MAP3K5: variants seen among roughly 807,000 people sequenced by gnomAD.
The protein encoded by MAP3K5 is mitogen-activated protein kinase kinase kinase 5.
Under a neutral mutation model 158.7 loss-of-function variants are expected in MAP3K5, and 56 were observed. That is an observed-to-expected ratio of 0.35 (90% CI 0.28 to 0.44). MAP3K5 has a LOEUF of 0.44. MAP3K5 is among the 20% of genes least tolerant of loss of function. The probability of loss-of-function intolerance (pLI) is 1.00; values close to 1 mark genes in which losing one functional copy is unlikely to be tolerated. For missense variants in MAP3K5, 1,294 were observed against 1,674.8 expected, an observed-to-expected ratio of 0.77 and a Z score of 3.97; for synonymous variants, 579 against 601.7, an observed-to-expected ratio of 0.96 and a Z score of 0.55.
chr6:136,621,777 G>C (rs1442354337), intron 15 of MAP3K5, among the ~76,000 whole-genome samples: 3 of 152,296 alleles, frequency 2.0e-5, no homozygotes, highest in African/African-American at 7.2e-5. Flanking sequence ...AGAACAGAAT[G>C]CTTCAGCGTA....
At chr6:136,686,090 T>A (rs557180830) in intron 7 of MAP3K5, among the ~76,000 whole-genome samples, 1 of 152,282 alleles carries the variant, frequency 6.6e-6, no homozygotes, top group South Asian at 2.1e-4. Context: ...TCCCTTTTAG[T>A]GTTAAATAGG....
At position 136,656,314 on chromosome 6, in the gene MAP3K5, C is replaced by G; in HGVS notation, c.1673G>C (p.Arg558Thr). The G allele has an allele frequency of 6.2e-7, 1 of 1,613,792 alleles. No individual in the cohort carries two copies. Among genetic ancestry groups the G allele is most frequent in the Non-Finnish European group, 8.5e-7 (1 of 1,179,776 alleles). The change falls in exon 10 of 30, where the codon AGG (arginine) becomes ACG (threonine). Residue 558 changes from arginine (R) to threonine (T), a missense_variant. Physicochemically the swap from Arg to Thr is moderately conservative, Grantham distance 71 (BLOSUM62 -1). This residue lies in a region of MAP3K5 where 690 missense variants were observed against 870.5 expected (regional missense o/e 0.79). Transcript: ENST00000359015. ...TAAAGGAAGAGTACTCACTGGAAAC[C>G]TAACCACAGTAACATCTGTCTTTGT... The part of the protein sequence containing the change: ...EATKTDVTVV[R>T]FPVLILEPTK...
At chr6:136,770,128 A>G (rs531562337) in intron 1 of MAP3K5, among the ~76,000 whole-genome samples, 1 of 151,918 alleles carries the variant, frequency 6.6e-6, no homozygotes, top group Non-Finnish European at 1.5e-5. Flanking sequence ...TTTTATTTTT[A>G]TTTATTTTTA....
chr6:136,618,927 C>T (rs1226667753), intron 15 of MAP3K5, among the ~76,000 whole-genome samples: 1 of 152,162 alleles, frequency 6.6e-6, no homozygotes, highest in Non-Finnish European at 1.5e-5. Context: ...TTTGGAGAAA[C>T]AAATGGCTGG....
chr6:136,656,206 T>A (rs1022233053), intron 10 of MAP3K5, 101 bp downstream of exon 10: 1 of 1,005,610 alleles, frequency 9.9e-7, no homozygotes, highest in Non-Finnish European at 1.5e-6. Flanking sequence ...TGACTGCAGT[T>A]TTAAGGCACC....
At chr6:136,674,975 C>G (rs1183508747) in intron 7 of MAP3K5, among the ~76,000 whole-genome samples, 1 of 151,770 alleles carries the variant, frequency 6.6e-6, no homozygotes, top group Non-Finnish European at 1.5e-5. Flanking sequence ...AGTATTAGGA[C>G]ACAGGTAGGT....
At chr6:136,779,097 C>T (rs528944574) in intron 1 of MAP3K5, among the ~76,000 whole-genome samples, 3 of 151,996 alleles carry the variant, frequency 2.0e-5, no homozygotes, top group Non-Finnish European at 4.4e-5. Context: ...GCCAGGAGTT[C>T]GAGACCAGCC....
chr6:136,705,133 C>A lies in MAP3K5; in HGVS notation c.589G>T (p.Glu197Ter). The change falls in exon 3 of 30, where the codon GAA (glutamate) becomes TAA (stop). Residue 197 changes from glutamate (E) to a stop codon, truncating the protein, a stop_gained and splice_region_variant. Coordinates refer to ENST00000359015, the MANE Select transcript of MAP3K5 (RefSeq NM_005923.4). LOFTEE classifies it high-confidence loss of function. The part of the protein sequence containing the change: ...TNSDSLQSLK[E>*]IICQKNTMCT... Reference sequence around the variant, plus strand: ...ACAGTATTCTTCTGGCAAATTATTTCCTGAAAAACAAGAAAAAAAATATAC... The same window carrying A: ...ACAGTATTCTTCTGGCAAATTATTTACTGAAAAACAAGAAAAAAAATATAC... 1 of 1,188,370 alleles carries A rather than the reference C, an allele frequency of 8.4e-7. No homozygotes were observed. Among genetic ancestry groups the A allele is most frequent in the Non-Finnish European group, 1.2e-6 (1 of 843,958 alleles). 73.6% of individuals were successfully genotyped at this position (1,188,370 alleles called of 1,614,324 possible).
intron 1 of MAP3K5, among the ~76,000 whole-genome samples, chr6:136,771,113 A>T (rs921907762): frequency 6.6e-6 from 1 of 152,156 alleles, no homozygotes; most frequent in Admixed American, 6.5e-5. Context: ...AGTAGAGCAG[A>T]TGCTTAACCT....
chr6:136,604,291 C>T (rs1347954315), intron 19 of MAP3K5, among the ~76,000 whole-genome samples: 1 of 149,870 alleles, frequency 6.7e-6, no homozygotes, highest in Non-Finnish European at 1.5e-5. Context: ...CACTGCACTC[C>T]AGCCTGGGTG....
chr6:136,667,621 G>A (rs965156397), intron 8 of MAP3K5, among the ~76,000 whole-genome samples: 9 of 151,874 alleles, frequency 5.9e-5, no homozygotes, highest in African/African-American at 2.2e-4. Context: ...AGAGGTTTTT[G>A]AAAAAAGCAC....
chr6:136,694,654 T>C (rs904041390), intron 6 of MAP3K5, among the ~76,000 whole-genome samples: 1 of 152,152 alleles, frequency 6.6e-6, no homozygotes, highest in Admixed American at 6.5e-5. Context: ...TGTCTTTGAA[T>C]AGGGTAGAGT....
rs1310249655 is a variant in MAP3K5, at chr6:136,676,851, G to T, written c.1254-7456C>A. Among the ~76,000 whole-genome samples, 3 of 148,520 alleles carry T rather than the reference G, an allele frequency of 2.0e-5. No homozygotes were observed. The East Asian group carries it at 5.9e-4, about 29-fold the overall frequency. ...CTGTCATCCAGGCTGGAGTTCAGTG[G>T]TGCGATCTCAGCTTGCTGCAACCTC... is the stretch of plus-strand genomic sequence containing the variant. On this transcript the variant is annotated intron_variant, in intron 7 of 29. Coordinates refer to ENST00000359015, the MANE Select transcript of MAP3K5 (RefSeq NM_005923.4).
At chr6:136,742,649 T>G (rs948139223) in intron 1 of MAP3K5, among the ~76,000 whole-genome samples, 3 of 152,234 alleles carry the variant, frequency 2.0e-5, no homozygotes, top group Admixed American at 6.5e-5. Flanking sequence ...AAGCTGGACT[T>G]TATTAAAACT....
rs766114555 is a variant in MAP3K5 at position 136,583,636 on chromosome 6, C to T, written c.3330G>A (p.Leu1110=). Residue 1110 remains leucine (L), a synonymous_variant, in exon 24 of 30, where the codon CTG becomes CTA. Coordinates refer to ENST00000359015, the MANE Select transcript of MAP3K5 (RefSeq NM_005923.4). ...AGTCCAGCTCCAGTTTCAGCTTTGACAGTGTGGTGGCTATGATTTTTCGGT... is the reference window on the plus strand; with the variant it reads ...AGTCCAGCTCCAGTTTCAGCTTTGATAGTGTGGTGGCTATGATTTTTCGGT... ...STDRKIIATT[L]SKLKLELDFD... 6.2e-7 allele frequency: 1 copy of T among 1,614,248 alleles called. No individual in the cohort carries two copies. The highest frequency in any genetic ancestry group is 1.7e-5 in the Admixed American group (1 of 60,034).
rs915560218 is a variant in MAP3K5 at position 136,557,270 on chromosome 6, T to G, written c.*488A>C. The G allele has an allele frequency of 6.5e-6, 1 of 154,378 alleles. No individual in the cohort carries two copies. Among genetic ancestry groups the G allele is most frequent in the African/African-American group, 2.4e-5 (1 of 41,444 alleles). 9.6% of individuals were successfully genotyped at this position (154,378 alleles called of 1,614,324 possible). A position where few individuals can be genotyped will look rare whatever the true frequency, so the allele number is the denominator to read the frequency against. ...ACCATTGCTCTCAGATTCTGCACAC[T>G]TAAAAAAACATAAACTTTATACAGT... On this transcript the variant is annotated 3_prime_UTR_variant, in exon 30 of 30. Transcript: ENST00000359015.
intron 1 of MAP3K5, among the ~76,000 whole-genome samples, chr6:136,749,439 C>A (rs1213028392): frequency 3.3e-5 from 5 of 151,158 alleles, no homozygotes; most frequent in Non-Finnish European, 7.4e-5. Flanking sequence ...AGTGAAAATA[C>A]AATGCCTCCG....
chr6:136,594,717 T>C (rs1040659421), intron 21 of MAP3K5, among the ~76,000 whole-genome samples: 2 of 152,028 alleles, frequency 1.3e-5, no homozygotes, highest in East Asian at 1.9e-4. Flanking sequence ...AAAGACAAAA[T>C]TGTTGTTTCT....
intron 10 of MAP3K5, among the ~76,000 whole-genome samples, 172 bp from the exon 11 acceptor site, chr6:136,651,263 G>A (rs1315496201): frequency 6.6e-6 from 1 of 152,032 alleles, no homozygotes; most frequent in Non-Finnish European, 1.5e-5. Flanking sequence ...AATCCTTCAA[G>A]CATTTTACAT....
Sources: allele counts gnomAD v4.1 joint callset (sites outside exome capture counted in the v4.1 genomes callset), GRCh38; gene constraint gnomAD v4.1.1; regional missense constraint gnomAD v4.1.1; transcripts MANE v1.5; gene names NCBI Gene and HGNC (gene_info 2026-07-23, HGNC 2026-07-21).